IMMP2L: variants seen among roughly 807,000 people sequenced by gnomAD.
IMMP2L encodes the protein mitochondrial inner membrane protease subunit 2.
A neutral mutation model predicts 19.3 loss-of-function variants in IMMP2L; 18 were observed. The ratio of observed to expected loss-of-function variants is 0.93; its 90% CI spans 0.64 to 1.38. IMMP2L has a LOEUF of 1.38. IMMP2L is among the 40% of genes most tolerant of loss of function. The pLI is 0.00. For missense variants in IMMP2L, 233 were observed against 218.2 expected, an observed-to-expected ratio of 1.07 and a Z score of -0.43; for synonymous variants, 76 against 73.0, an observed-to-expected ratio of 1.04 and a Z score of -0.21.
At chr7:111,190,608 A>G (rs1808758685) in intron 3 of IMMP2L, among the ~76,000 whole-genome samples, 2 of 152,208 alleles carry the variant, frequency 1.3e-5, no homozygotes, top group Non-Finnish European at 2.9e-5. Context: ...ACTTAGGTCG[A>G]AATCCATTTA....
chr7:111,319,284 A>G (rs1824429885), intron 3 of IMMP2L, among the ~76,000 whole-genome samples: 1 of 152,122 alleles, frequency 6.6e-6, no homozygotes, highest in Admixed American at 6.6e-5. Context: ...CTTAAAGACC[A>G]TAGTTAAAGT....
At chr7:111,538,633 T>TAAAA (rs34613701) in intron 1 of IMMP2L, among the ~76,000 whole-genome samples, 23 of 97,200 alleles carry the variant, frequency 2.4e-4, no homozygotes, top group Middle Eastern at 6.3e-3. Flanking sequence ...ACCCTGTCTC[T>TAAAA]AAAAAAAAAA....
At chr7:110,961,039 T>A (rs935117367) in intron 4 of IMMP2L, among the ~76,000 whole-genome samples, 2 of 151,898 alleles carry the variant, frequency 1.3e-5, no homozygotes, top group Non-Finnish European at 1.5e-5. Flanking sequence ...CAATACCAAG[T>A]GCTGGCAAGG....
chr7:111,092,210 G>T (rs1796946359), intron 3 of IMMP2L, among the ~76,000 whole-genome samples: 3 of 152,162 alleles, frequency 2.0e-5, no homozygotes, highest in Admixed American at 1.3e-4. Context: ...ATGTCTGATT[G>T]CTAATGCAGC....
chr7:111,224,309 A>C (rs1562944316), intron 3 of IMMP2L, among the ~76,000 whole-genome samples: 1 of 152,174 alleles, frequency 6.6e-6, no homozygotes, highest in Non-Finnish European at 1.5e-5. Context: ...AATTCTTTGA[A>C]ACAAATAGAT....
chr7:110,686,665 C>T lies in IMMP2L; in HGVS notation c.409-22944G>A, dbSNP rs571618675. On this transcript the variant is annotated intron_variant, in intron 5 of 5. Coordinates refer to ENST00000405709, the MANE Select transcript of IMMP2L (RefSeq NM_032549.4). ...TTAGAGTTCTGTCTTTGCTTCACCA[C>T]CCTCATTTCTAATTAGTTTACAGAT... is the stretch of plus-strand genomic sequence containing the variant. Among the ~76,000 whole-genome samples the T allele has an allele frequency of 4.6e-5, 7 of 152,080 alleles. No individual in the cohort carries two copies. The South Asian group carries it at 1.5e-3, about 32-fold the overall frequency.
chr7:111,118,066 G>C (rs572780487), intron 3 of IMMP2L, among the ~76,000 whole-genome samples: 1 of 152,144 alleles, frequency 6.6e-6, no homozygotes, highest in East Asian at 1.9e-4. Context: ...TGCTCCTTTT[G>C]GAGGAACAGA....
At chr7:111,489,265 A>C (rs1185873663) in intron 2 of IMMP2L, among the ~76,000 whole-genome samples, 1 of 151,806 alleles carries the variant, frequency 6.6e-6, no homozygotes, top group Non-Finnish European at 1.5e-5. Context: ...GGATGGTCTC[A>C]ATCTCCTGAC....
rs141184042 is a variant in IMMP2L, at chr7:111,401,808, A to G, written c.239+85430T>C. ...AGGCTATTAAGGAATAGAATTAGGA[A>G]GACTATAGGCTCATTATTAAACCAT... On this transcript the variant is annotated intron_variant, in intron 3 of 5. Transcript: ENST00000405709. Among the ~76,000 whole-genome samples the G allele has an allele frequency of 8.4e-3, 1,286 of 152,244 alleles. 16 individuals are homozygous for G. Among genetic ancestry groups the G allele is most frequent in the Middle Eastern group, 0.017 (5 of 294 alleles).
At chr7:111,037,717 G>C (rs1013209738) in intron 3 of IMMP2L, among the ~76,000 whole-genome samples, 1 of 152,088 alleles carries the variant, frequency 6.6e-6, no homozygotes, top group Non-Finnish European at 1.5e-5. Flanking sequence ...TTGCATAATA[G>C]ATATTGGCCT....
At chr7:110,898,152 T>C (rs1205937593) in intron 4 of IMMP2L, among the ~76,000 whole-genome samples, 1 of 151,378 alleles carries the variant, frequency 6.6e-6, no homozygotes, top group East Asian at 1.9e-4. Flanking sequence ...AAATATTTTA[T>C]ATATACATAT....
At chr7:110,865,806 G>A (rs1479717909) in intron 5 of IMMP2L, among the ~76,000 whole-genome samples, 2 of 151,670 alleles carry the variant, frequency 1.3e-5, no homozygotes, top group Non-Finnish European at 2.9e-5. Context: ...CATTTTTAAT[G>A]AGGAAAATTA....
Position 110,963,256 on chromosome 7 carries a change from T to C in IMMP2L, c.305+244A>G, listed in dbSNP as rs150653967. ...GATTTAATGATCATTTTAGACTATATGGTTAATTTAAATTAATATTTATCC... is the reference window on the plus strand; with the variant it reads ...GATTTAATGATCATTTTAGACTATACGGTTAATTTAAATTAATATTTATCC... On this transcript the variant is annotated intron_variant, in intron 4 of 5. Transcript: ENST00000405709. Among the ~76,000 whole-genome samples the C allele has an allele frequency of 3.4e-3, 512 of 152,110 alleles. 2 individuals carry two copies. Among genetic ancestry groups the C allele is most frequent in the Middle Eastern group, 0.014 (4 of 294 alleles).
intron 3 of IMMP2L, among the ~76,000 whole-genome samples, chr7:111,032,656 T>C (rs1021586197): frequency 1.3e-5 from 2 of 151,966 alleles, no homozygotes; most frequent in Non-Finnish European, 2.9e-5. Flanking sequence ...ACCCCCTCCC[T>C]ACTAAAAATA....
intron 3 of IMMP2L, among the ~76,000 whole-genome samples, chr7:111,083,188 C>T (rs1234377500): frequency 6.6e-6 from 1 of 152,090 alleles, no homozygotes; most frequent in Admixed American, 6.6e-5. Context: ...AGAAAAAGAG[C>T]TGGATAATAC....
intron 5 of IMMP2L, among the ~76,000 whole-genome samples, chr7:110,673,322 G>A (rs1310115162): frequency 6.6e-6 from 1 of 152,206 alleles, no homozygotes; most frequent in Non-Finnish European, 1.5e-5. Flanking sequence ...CTTAGAGCAG[G>A]TAGGTCCTGG....
chr7:110,917,140 G>A (rs1438762146), intron 4 of IMMP2L, among the ~76,000 whole-genome samples: 3 of 152,154 alleles, frequency 2.0e-5, no homozygotes, highest in Non-Finnish European at 4.4e-5. Context: ...GTCACATAAA[G>A]ATGGAGGCAG....
chr7:110,818,128 TAA>T (rs1485239123), intron 5 of IMMP2L, among the ~76,000 whole-genome samples: 3 of 152,066 alleles, frequency 2.0e-5, no homozygotes, highest in African/African-American at 7.2e-5. Context: ...CTAATTAAAC[TAA>T]AGAGTTTCTG....
At chr7:110,958,518 A>ATCC (rs1410381287) in intron 4 of IMMP2L, among the ~76,000 whole-genome samples, 1 of 152,052 alleles carries the variant, frequency 6.6e-6, no homozygotes, top group Non-Finnish European at 1.5e-5. Context: ...GTTTTATTGA[A>ATCC]ATGTTTTTAA....
Sources: gnomAD v4.1 joint callset for allele counts (sites outside exome capture counted in the v4.1 genomes callset) on GRCh38, gnomAD v4.1.1 for gene constraint, MANE v1.5 for transcripts, NCBI Gene and HGNC (gene_info 2026-07-23, HGNC 2026-07-21) for gene names.